MINK1: variants seen among roughly 807,000 people sequenced by gnomAD.
MINK1 encodes misshapen like kinase 1.
MINK1 carries 46 observed loss-of-function variants against 178.4 expected under a neutral mutation model. The ratio of observed to expected loss-of-function variants is 0.26; its 90% confidence interval spans 0.20 to 0.33. The LOEUF (loss-of-function observed/expected upper bound fraction) is 0.33, where lower values mean the gene tolerates loss of function less well. Ranked by LOEUF, MINK1 falls within the 10% of genes least tolerant of loss-of-function variation. The pLI is 1.00. For synonymous variants in MINK1, 797 were observed against 709.7 expected (o/e 1.12, Z -1.96); for missense variants, 1,366 against 1,814.9 (o/e 0.75, Z 4.49).
intron 1 of MINK1, among the ~76,000 whole-genome samples, chr17:4,860,007 G>GGAAGGGGC (rs1733029676): frequency 6.6e-6 from 1 of 152,086 alleles, no homozygotes; most frequent in African/African-American, 2.4e-5. Context: ...GGGTACAGAG[G>GGAAGGGGC]GAAGGGGCGC....
At chr17:4,861,644 G>C (rs929658510) in intron 1 of MINK1, 7 of 285,346 alleles carry the variant, frequency 2.5e-5, no homozygotes, top group African/African-American at 4.6e-5. Context: ...GAGATTACAG[G>C]CACGTGCCAC....
At chr17:4,873,884 T>C (rs918098735) in intron 1 of MINK1, among the ~76,000 whole-genome samples, 1 of 152,074 alleles carries the variant, frequency 6.6e-6, no homozygotes, top group East Asian at 1.9e-4. Context: ...CTTCCCAAAG[T>C]GCAGGGATTA....
chr17:4,870,695 C>G lies in MINK1; in HGVS notation c.58-7622C>G, dbSNP rs7218264. Among the ~76,000 whole-genome samples the G allele has an allele frequency of 2.6e-5, 4 of 151,814 alleles. No individual in the cohort carries two copies. The South Asian group carries it at 8.3e-4, about 32-fold the overall frequency. On this transcript the variant is annotated intron_variant, in intron 1 of 31. Transcript: ENST00000355280. ...TAAAAATTAGCCAGGTGTGGTGGTG[C>G]GCACCTGTAGTCCCAGCTACTTGGG...
rs1968139776 is a variant in MINK1, at chr17:4,885,703, G to A, written c.639+90G>A. ...GGCCTGAGCAGGCTGGGGAACAGAG[G>A]AAGGTCAGATGATGTTAGCAGTGAG... is the stretch of plus-strand genomic sequence containing the variant. On this transcript the variant is annotated intron_variant, in intron 7 of 31. Transcript: ENST00000355280. This position sits in a 1 kb window ranked among gnomAD's most constrained non-coding sequence, Gnocchi z 5.0. 6.4e-7 allele frequency: 1 copy of A among 1,555,888 alleles called. No homozygotes were observed. The highest frequency in any genetic ancestry group is 1.8e-5 in the Admixed American group (1 of 56,228).
At chr17:4,847,819 G>A (rs1377464054) in intron 1 of MINK1, among the ~76,000 whole-genome samples, 3 of 152,004 alleles carry the variant, frequency 2.0e-5, no homozygotes, top group East Asian at 1.9e-4. Context: ...CAGGTTGGGC[G>A]CAGTGTTGGA....
intron 16 of MINK1, 142 bp from the exon 17 acceptor site, chr17:4,892,007 C>T: frequency 1.3e-6 from 1 of 796,412 alleles, no homozygotes; most frequent in South Asian, 1.6e-5. Flanking sequence ...CTTCATAACC[C>T]TGGACGTATT....
chr17:4,897,048 G>T, intron 31 of MINK1, 156 bp from the exon 32 acceptor site: 1 of 869,744 alleles, frequency 1.1e-6, no homozygotes, highest in Non-Finnish European at 1.8e-6. Flanking sequence ...ATCCCAGCCT[G>T]CCTTTCCTCC....
intron 1 of MINK1, among the ~76,000 whole-genome samples, chr17:4,864,163 G>T (rs906222343): frequency 6.6e-6 from 1 of 151,954 alleles, no homozygotes; most frequent in African/African-American, 2.4e-5. Context: ...ACTTTGGGAG[G>T]CTGAGGTGGG....
At position 4,895,721 on chromosome 17, in the gene MINK1, T is replaced by C; in HGVS notation, c.3253T>C (p.Tyr1085His). The change falls in exon 27 of 32, where the codon TAT (tyrosine) becomes CAT (histidine). Residue 1085 changes from tyrosine to histidine, a missense_variant. Tyr to His is a moderately conservative substitution (Grantham distance 83, BLOSUM62 2). Around this residue, in one of 14 missense-constraint regions of MINK1, gnomAD observed 77 missense variants for 119.5 expected, o/e 0.64. Transcript: ENST00000355280. The surrounding 1 kb of genome is among the most constrained non-coding windows in gnomAD (Gnocchi z 4.3). ...AGGGAAAAGGAACAAACTGCGGGTG[T>C]ATTACCTGTCCTGGCTCCGGAACAA... ...ISGKRNKLRV[Y>H]YLSWLRNKIL... 1 of 1,613,548 alleles carries C rather than the reference T, an allele frequency of 6.2e-7. No individual in the cohort carries two copies. Among genetic ancestry groups the C allele is most frequent in the Non-Finnish European group, 8.5e-7 (1 of 1,179,746 alleles).
chr17:4,897,017 T>C (rs1315920974), intron 31 of MINK1, 187 bp from the exon 32 acceptor site: 5 of 872,060 alleles, frequency 5.7e-6, no homozygotes, highest in Middle Eastern at 2.3e-4. Context: ...AGGGGGCGAG[T>C]GGTGCACCCT....
At chr17:4,866,188 C>T (rs1914928524) in intron 1 of MINK1, among the ~76,000 whole-genome samples, 1 of 152,070 alleles carries the variant, frequency 6.6e-6, no homozygotes, top group African/African-American at 2.4e-5. Flanking sequence ...AGTTTTTGGG[C>T]CAGACGCGGT....
In MINK1 at chr17:4,894,237, G is replaced by T. The variant is rs755250533; in HGVS notation, c.2734G>T (p.Val912Leu). The T allele has an allele frequency of 2.5e-6, 4 of 1,613,216 alleles. No individual in the cohort carries two copies. Among genetic ancestry groups the T allele is most frequent in the Non-Finnish European group, 3.4e-6 (4 of 1,179,822 alleles). Residue 912 changes from valine to leucine, a missense_variant, in exon 23 of 32, where the codon GTG becomes TTG. Coordinates refer to ENST00000355280, the MANE Select transcript of MINK1 (RefSeq NM_153827.5). The surrounding 1 kb of genome is among the most constrained non-coding windows in gnomAD (Gnocchi z 4.1). ...DSNGYTNLPD[V>L]VQPSHSPTEN... ...CAATGGGTACACAAACCTGCCTGAC[G>T]TGGTCCAGCCCAGCCACTCACCCAC...
Position 4,887,259 on chromosome 17 carries a change from T to C in MINK1, c.1019+80T>C. 1 of 1,398,352 alleles carries C rather than the reference T, an allele frequency of 7.2e-7. No individual in the cohort carries two copies. Among genetic ancestry groups the C allele is most frequent in the Non-Finnish European group, 9.9e-7 (1 of 1,010,700 alleles). 86.6% of individuals were successfully genotyped at this position (1,398,352 alleles called of 1,614,324 possible). A position where few individuals can be genotyped will look rare whatever the true frequency, so the allele number is the denominator to read the frequency against. On this transcript the variant is annotated intron_variant, in intron 11 of 31. Transcript: ENST00000355280. The surrounding 1 kb of genome is among the most constrained non-coding windows in gnomAD (Gnocchi z 7.6). ...TACAGTGGTGCTTGGCTTTGGGGACTCTCAGCCTGGGGGTGGTGGGCACAG... is the reference window on the plus strand; with the variant it reads ...TACAGTGGTGCTTGGCTTTGGGGACCCTCAGCCTGGGGGTGGTGGGCACAG...
intron 1 of MINK1, among the ~76,000 whole-genome samples, chr17:4,841,524 C>A (rs1567554959): frequency 6.6e-6 from 1 of 151,142 alleles, no homozygotes; most frequent in Non-Finnish European, 1.5e-5. Flanking sequence ...CACAAAGCCC[C>A]CCCTCCGATT....
Position 4,891,390 on chromosome 17 carries a change from C to T in MINK1, c.1741-66C>T, listed in dbSNP as rs977439299. 3 of 1,502,654 alleles carry T rather than the reference C, an allele frequency of 2.0e-6. No individual in the cohort carries two copies. In the South Asian group the frequency reaches 4.1e-5, roughly 21 times the overall value. 93.1% of individuals were successfully genotyped at this position (1,502,654 alleles called of 1,614,324 possible). ...AGCTAAAGTCCTTTCCCACCCCAGA[C>T]CCCAATTCGCAGGTGGGGATGTGCC... On this transcript the variant is annotated intron_variant, in intron 15 of 31. Coordinates refer to ENST00000355280, the MANE Select transcript of MINK1 (RefSeq NM_153827.5).
chr17:4,839,069 G>A (rs1257258557), intron 1 of MINK1, among the ~76,000 whole-genome samples: 1 of 151,470 alleles, frequency 6.6e-6, no homozygotes, highest in East Asian at 2.0e-4. Context: ...TCAGCCTCCC[G>A]AGTAGCTGGG....
chr17:4,896,871 CCTGGGCAG>C lies in MINK1; in HGVS notation c.3915+59_3915+66del. 1 of 1,510,150 alleles carries C rather than the reference CCTGGGCAG, an allele frequency of 6.6e-7. No individual in the cohort carries two copies. The highest frequency in any genetic ancestry group is 8.8e-7 in the Non-Finnish European group (1 of 1,131,830). The allele number at this position is 1,510,150 out of a possible 1,614,324, so 93.5% of individuals were successfully genotyped here. Reference sequence around the variant, plus strand: ...GTCCCGGCTGCCATGACCCTAGGCCCCTGGGCAGAGTTCTGGGGAGAGGATGGTGGTGG... The same window carrying C: ...GTCCCGGCTGCCATGACCCTAGGCCCAGTTCTGGGGAGAGGATGGTGGTGG... On this transcript the variant is annotated intron_variant, in intron 31 of 31. Coordinates refer to ENST00000355280, the MANE Select transcript of MINK1 (RefSeq NM_153827.5). This position sits in a 1 kb window ranked among gnomAD's most constrained non-coding sequence, Gnocchi z 4.6.
intron 21 of MINK1, 101 bp downstream of exon 21, chr17:4,893,698 G>A (rs1423426681): frequency 1.0e-5 from 14 of 1,406,826 alleles, no homozygotes; most frequent in African/African-American, 1.4e-5. Context: ...CTGAGGGAGA[G>A]CGGCTCCCTT....
intron 1 of MINK1, among the ~76,000 whole-genome samples, chr17:4,845,210 C>G (rs147559009): frequency 3.3e-5 from 5 of 152,274 alleles, no homozygotes; most frequent in African/African-American, 1.2e-4. Flanking sequence ...TGCAAGATGA[C>G]AGGCTTCTGA....
Sources: gnomAD v4.1 joint callset for allele counts (sites outside exome capture counted in the v4.1 genomes callset) on GRCh38, gnomAD v4.1.1 for gene constraint, gnomAD v4.1.1 regional missense constraint, Gnocchi (gnomAD v3.1) non-coding constraint, MANE v1.5 for transcripts, NCBI Gene and HGNC (gene_info 2026-07-23, HGNC 2026-07-21) for gene names.